Variants in KAT2B observed in about 807,000 individuals in gnomAD.
The protein encoded by KAT2B is lysine acetyltransferase 2B, also known as histone acetyltransferase KAT2B.
KAT2B carries 36 observed loss-of-function variants against 105.9 expected under a neutral mutation model. That is an observed-to-expected ratio of 0.34 (90% confidence interval 0.26 to 0.45). The LOEUF is 0.45. KAT2B is among the 20% of genes least tolerant of loss of function. The pLI is 1.00. For synonymous variants in KAT2B, 397 were observed against 377.9 expected (o/e 1.05, Z -0.59); for missense variants, 820 against 1,021.6 (o/e 0.80, Z 2.69).
At chr3:20,077,997 A>T (rs1398946733) in intron 2 of KAT2B, among the ~76,000 whole-genome samples, 1 of 152,130 alleles carries the variant, frequency 6.6e-6, no homozygotes, top group Non-Finnish European at 1.5e-5. Context: ...CAACATGGCG[A>T]AACTCCACCT....
intron 15 of KAT2B, 64 bp downstream of exon 15, chr3:20,148,063 T>TA: frequency 6.5e-7 from 1 of 1,542,120 alleles, no homozygotes; most frequent in Non-Finnish European, 8.9e-7. Context: ...CCAAGCAACT[T>TA]AAAGAAAAAC....
chr3:20,080,164 T>G (rs1403519400), intron 2 of KAT2B, among the ~76,000 whole-genome samples: 2 of 152,182 alleles, frequency 1.3e-5, no homozygotes, highest in Non-Finnish European at 2.9e-5. Flanking sequence ...CCTCTGAGCT[T>G]CTCATTATCC....
intron 1 of KAT2B, among the ~76,000 whole-genome samples, chr3:20,064,861 C>T (rs1033898349): frequency 1.3e-5 from 2 of 152,260 alleles, no homozygotes; most frequent in South Asian, 2.1e-4. Context: ...CCAACAAATG[C>T]GACTTTCCAA....
At chr3:20,058,227 G>A (rs1035930132) in intron 1 of KAT2B, among the ~76,000 whole-genome samples, 1 of 152,066 alleles carries the variant, frequency 6.6e-6, no homozygotes, top group Admixed American at 6.5e-5. Context: ...GGAGGCCACG[G>A]CAGGCAGATC....
chr3:20,135,843 C>G (rs1218403317), intron 11 of KAT2B, among the ~76,000 whole-genome samples: 1 of 152,082 alleles, frequency 6.6e-6, no homozygotes, highest in African/African-American at 2.4e-5. Flanking sequence ...CTTTGTAACT[C>G]TAGGAGTAGA....
intron 2 of KAT2B, among the ~76,000 whole-genome samples, chr3:20,075,743 A>AC (rs926367523): frequency 2.4e-4 from 37 of 151,372 alleles, no homozygotes; most frequent in Non-Finnish European, 2.1e-4. Flanking sequence ...CAGGTGCACG[A>AC]CCCCCCAGGC....
intron 11 of KAT2B, among the ~76,000 whole-genome samples, chr3:20,128,750 G>GT (rs1699454851): frequency 6.6e-6 from 1 of 152,156 alleles, no homozygotes; most frequent in Non-Finnish European, 1.5e-5. Context: ...GCTCACACCT[G>GT]TAATCCTAGC....
intron 11 of KAT2B, among the ~76,000 whole-genome samples, chr3:20,129,610 A>T: frequency 6.6e-6 from 1 of 152,120 alleles, no homozygotes; most frequent in East Asian, 1.9e-4. Context: ...TCCTGACCTC[A>T]GGTGATCTGC....
chr3:20,109,548 G>A (rs569675313), intron 5 of KAT2B, among the ~76,000 whole-genome samples: 1 of 152,196 alleles, frequency 6.6e-6, no homozygotes, highest in African/African-American at 2.4e-5. Context: ...GAACTCCTGG[G>A]CTCAAGCGAT....
chr3:20,127,615 G>T (rs1412203988), intron 11 of KAT2B, 66 bp downstream of exon 11: 5 of 1,467,150 alleles, frequency 3.4e-6, no homozygotes, highest in Admixed American at 1.9e-5. Flanking sequence ...GGCCTGCAGA[G>T]CTTGGGAAGA....
At chr3:20,106,989 A>ATATATATATATATATATATG (rs1699022277) in intron 5 of KAT2B, among the ~76,000 whole-genome samples, 1 of 21,124 alleles carries the variant, frequency 4.7e-5, no homozygotes, top group African/African-American at 2.3e-4. Flanking sequence ...GTATATATAT[A>ATATATATATATATATATATG]TATATATATA....
At chr3:20,145,013 T>A (rs772756681) in intron 13 of KAT2B, among the ~76,000 whole-genome samples, 2 of 152,012 alleles carry the variant, frequency 1.3e-5, no homozygotes, top group Non-Finnish European at 2.9e-5. Flanking sequence ...GCCAGGCTGG[T>A]CTCGAGCTCC....
chr3:20,090,849 C>T (rs893472581), intron 2 of KAT2B, among the ~76,000 whole-genome samples: 1 of 152,108 alleles, frequency 6.6e-6, no homozygotes. Context: ...AAGCAATCCT[C>T]CAACCTCAGC....
In KAT2B at chr3:20,136,950, A is replaced by G; in HGVS notation, c.1758A>G (p.Gly586=). 1 of 1,597,238 alleles carries G rather than the reference A, an allele frequency of 6.3e-7. No individual in the cohort carries two copies. Among genetic ancestry groups the G allele is most frequent in the Middle Eastern group, 1.7e-4 (1 of 6,010 alleles). ...TACTAACTTCCACACAGGGCTATGG[A>G]ACACACCTGATGAATCATTTGAAAG... ...VTSNEQVKGY[G]THLMNHLKEY... is the part of the protein sequence containing the mutation. The change falls in exon 12 of 18, where the codon GGA becomes GGG. Residue 586 remains glycine (G), a synonymous_variant. Transcript: ENST00000263754.
At position 20,126,553 on chromosome 3, in the gene KAT2B, T is replaced by A. The variant is rs146827414; in HGVS notation, c.1622+440T>A. Among the ~76,000 whole-genome samples, 17 of 149,926 alleles carry A rather than the reference T, an allele frequency of 1.1e-4. No individual in the cohort carries two copies. In the East Asian group the frequency reaches 3.3e-3, roughly 29 times the overall value. ...AAACAAAAAACTAGGCCGGGCATGG[T>A]GGCTCATGCCTGTAATCCCAGCATT... On this transcript the variant is annotated intron_variant, in intron 10 of 17. Transcript: ENST00000263754.
chr3:20,151,692 A>G (rs1699871978), intron 17 of KAT2B, among the ~76,000 whole-genome samples: 1 of 152,200 alleles, frequency 6.6e-6, no homozygotes, highest in Non-Finnish European at 1.5e-5. Context: ...GCAAGTAGCT[A>G]TATTGGGAAA....
At chr3:20,055,839 C>G (rs536631123) in intron 1 of KAT2B, among the ~76,000 whole-genome samples, 20 of 152,336 alleles carry the variant, frequency 1.3e-4, no homozygotes, top group African/African-American at 4.6e-4. Context: ...GAAGCAAGCA[C>G]TGATCTGATT....
chr3:20,043,461 G>C (rs1200005008), intron 1 of KAT2B, among the ~76,000 whole-genome samples: 2 of 152,192 alleles, frequency 1.3e-5, no homozygotes, highest in African/African-American at 4.8e-5. Flanking sequence ...GAGCAGGACA[G>C]TTCATAGACT....
At chr3:20,132,191 A>G (rs1006447672) in intron 11 of KAT2B, among the ~76,000 whole-genome samples, 1 of 152,154 alleles carries the variant, frequency 6.6e-6, no homozygotes, top group African/African-American at 2.4e-5. Flanking sequence ...CCTGACCAAC[A>G]TGGTGAAACC....
Sources: gnomAD v4.1 joint callset for allele counts (sites outside exome capture counted in the v4.1 genomes callset) on GRCh38, gnomAD v4.1.1 for gene constraint, MANE v1.5 for transcripts, NCBI Gene and HGNC (gene_info 2026-07-23, HGNC 2026-07-21) for gene names.